The following SYN3 variants were observed in gnomAD, a reference collection of about 807,000 sequenced individuals.
The protein encoded by SYN3 is synapsin III.
Under a neutral mutation model 65.8 loss-of-function variants are expected in SYN3, and 35 were observed. The ratio of observed to expected loss-of-function variants is 0.53; its 90% confidence interval spans 0.41 to 0.70. The LOEUF (loss-of-function observed/expected upper bound fraction) is 0.70. Among genes scored for constraint, SYN3 ranks in the 30% least tolerant of loss-of-function variants. The pLI is 0.00. For missense variants in SYN3, 680 were observed against 749.0 expected (o/e 0.91, Z 1.08); for synonymous variants, 270 against 292.9 (o/e 0.92, Z 0.80).
intron 6 of SYN3, among the ~76,000 whole-genome samples, chr22:32,760,089 C>T (rs1269111705): frequency 7.9e-6 from 1 of 126,184 alleles, no homozygotes; most frequent in East Asian, 2.5e-4. Context: ...CCAGCCAGCA[C>T]CCACGTGCCC....
At position 32,719,627 on chromosome 22, in the gene SYN3, G is replaced by A. The variant is rs1300138122; in HGVS notation, c.712-122891C>T. Among the ~76,000 whole-genome samples, 3 of 152,288 alleles carry A rather than the reference G, an allele frequency of 2.0e-5. No individual in the cohort carries two copies. The East Asian group carries it at 5.8e-4, about 29-fold the overall frequency. On this transcript the variant is annotated intron_variant, in intron 6 of 13. Coordinates refer to ENST00000358763, the MANE Select transcript of SYN3 (RefSeq NM_003490.4). ...GGAGGCCAAGGTGGAAGGATCACTT[G>A]AGGCCAAGAGTTCAAGGCCAGTCTG...
chr22:32,676,085 T>C (rs1255354376), intron 6 of SYN3, among the ~76,000 whole-genome samples: 1 of 152,208 alleles, frequency 6.6e-6, no homozygotes, highest in East Asian at 1.9e-4. Context: ...CTGAAAGGTA[T>C]CTCAGATGAT....
At chr22:32,661,498 TCTTA>T (rs1476680737) in intron 6 of SYN3, among the ~76,000 whole-genome samples, 17 of 152,264 alleles carry the variant, frequency 1.1e-4, no homozygotes, top group Admixed American at 1.0e-3. Flanking sequence ...TTCTTTCCTT[TCTTA>T]CTTACTTTCT....
At chr22:32,871,042 C>A (rs1443003383) in intron 4 of SYN3, among the ~76,000 whole-genome samples, 2 of 152,208 alleles carry the variant, frequency 1.3e-5, no homozygotes, top group East Asian at 3.9e-4. Flanking sequence ...GAGACATCCA[C>A]TCCTCCCTGG....
intron 2 of SYN3, among the ~76,000 whole-genome samples, chr22:32,994,014 C>G (rs1049165037): frequency 1.3e-5 from 2 of 152,186 alleles, no homozygotes; most frequent in Non-Finnish European, 2.9e-5. Flanking sequence ...GGTAACAACT[C>G]TTCACTGTTC....
rs189218585 is a variant in SYN3 at position 32,844,217 on chromosome 22, C to T, written c.711+20698G>A. ...ACAATGGTTGGATGGGGGATAGAAG[C>T]AGAGAGAGAGAGGGAGGGCAGCTCA... On this transcript the variant is annotated intron_variant, in intron 6 of 13. Coordinates refer to ENST00000358763, the MANE Select transcript of SYN3 (RefSeq NM_003490.4). Among the ~76,000 whole-genome samples, 3 of 151,822 alleles carry T rather than the reference C, an allele frequency of 2.0e-5. No homozygotes were observed. The East Asian group carries it at 5.8e-4, about 29-fold the overall frequency.
chr22:32,763,274 G>A (rs1451129090), intron 6 of SYN3, among the ~76,000 whole-genome samples: 1 of 151,976 alleles, frequency 6.6e-6, no homozygotes, highest in Non-Finnish European at 1.5e-5. Flanking sequence ...AGCTTCTCGA[G>A]TAGCTGGGAT....
intron 6 of SYN3, among the ~76,000 whole-genome samples, chr22:32,610,048 C>T (rs927134344): frequency 6.6e-6 from 1 of 152,018 alleles, no homozygotes; most frequent in Non-Finnish European, 1.5e-5. Context: ...TTTGGGAGGC[C>T]GAGGCAGGCA....
intron 7 of SYN3, among the ~76,000 whole-genome samples, chr22:32,587,131 A>T (rs1275956383): frequency 1.3e-5 from 2 of 150,662 alleles, no homozygotes; most frequent in African/African-American, 2.4e-5. Flanking sequence ...CTGAGGCAGG[A>T]GAATCGCTTG....
intron 6 of SYN3, among the ~76,000 whole-genome samples, chr22:32,656,390 A>T (rs2060142505): frequency 6.6e-6 from 1 of 152,196 alleles, no homozygotes; most frequent in South Asian, 2.1e-4. Context: ...GATGTATATC[A>T]AGTGCTTGGT....
chr22:32,967,217 G>A lies in SYN3; in HGVS notation c.369+13428C>T, dbSNP rs543976141. 1.2e-4 allele frequency among the ~76,000 whole-genome samples: 18 copies of A among 152,294 alleles called. No homozygotes were observed. In the South Asian group the frequency reaches 3.1e-3, roughly 26 times the overall value. ...ACAGCTGCCATCTGCCTCAGGCACC[G>A]CCAGTGGAAACTCTCTCAGGTCACC... On this transcript the variant is annotated intron_variant, in intron 3 of 13. Coordinates refer to ENST00000358763, the MANE Select transcript of SYN3 (RefSeq NM_003490.4).
At chr22:32,762,486 C>T (rs1191066427) in intron 6 of SYN3, among the ~76,000 whole-genome samples, 1 of 152,156 alleles carries the variant, frequency 6.6e-6, no homozygotes, top group Non-Finnish European at 1.5e-5. Context: ...GGAAAAGGAC[C>T]AACAAGATAA....
chr22:32,687,846 TC>T (rs2060611966), intron 6 of SYN3, among the ~76,000 whole-genome samples: 1 of 152,186 alleles, frequency 6.6e-6, no homozygotes, highest in South Asian at 2.1e-4. Context: ...TGCTGGCCCA[TC>T]CTAAGTGCCA....
chr22:32,817,191 C>A (rs1392361721), intron 6 of SYN3, among the ~76,000 whole-genome samples: 1 of 151,424 alleles, frequency 6.6e-6, no homozygotes, highest in African/African-American at 2.4e-5. Context: ...GCACTCCAGC[C>A]AGGGTGACAG....
chr22:32,953,406 G>A (rs1470940485), intron 3 of SYN3, among the ~76,000 whole-genome samples: 1 of 151,726 alleles, frequency 6.6e-6, no homozygotes, highest in Non-Finnish European at 1.5e-5. Flanking sequence ...AGAGGAAAGA[G>A]AAACACTGGC....
intron 6 of SYN3, chr22:32,861,200 A>G (rs1395758073): frequency 6.6e-6 from 1 of 151,584 alleles, no homozygotes; most frequent in African/African-American, 2.4e-5. Context: ...GCAGCAGACA[A>G]CACACTGTAG....
intron 6 of SYN3, among the ~76,000 whole-genome samples, chr22:32,669,445 C>G (rs1357624094): frequency 6.6e-6 from 1 of 152,198 alleles, no homozygotes. Context: ...TTTATTCTCT[C>G]TAGCTCTACA....
At chr22:32,693,566 A>G (rs2060694536) in intron 6 of SYN3, among the ~76,000 whole-genome samples, 1 of 149,880 alleles carries the variant, frequency 6.7e-6, no homozygotes, top group African/African-American at 2.5e-5. Context: ...TAAATCGGGT[A>G]ATATAATATT....
intron 4 of SYN3, among the ~76,000 whole-genome samples, chr22:32,874,577 G>C (rs2048934782): frequency 6.6e-6 from 1 of 152,234 alleles, no homozygotes; most frequent in African/African-American, 2.4e-5. Flanking sequence ...GGCAAGAACA[G>C]CTCTTGGCTG....
Sources: allele counts gnomAD v4.1 joint callset (sites outside exome capture counted in the v4.1 genomes callset), GRCh38; gene constraint gnomAD v4.1.1; transcripts MANE v1.5; gene names NCBI Gene and HGNC (gene_info 2026-07-23, HGNC 2026-07-21).